CYB5R4: variants seen among roughly 807,000 people sequenced by gnomAD.
The protein encoded by CYB5R4 is N-terminal cytochrome b5 and cytochrome b5 oxidoreductase domain-containing protein.
In CYB5R4, 55 loss-of-function variants were observed where a neutral mutation model predicts 70.2. The observed-to-expected ratio is 0.78, with a 90% CI of 0.63 to 0.98. The LOEUF (loss-of-function observed/expected upper bound fraction) is 0.98. CYB5R4 is among the 50% of genes least tolerant of loss of function. The probability of loss-of-function intolerance (pLI) is 0.00; values close to 1 mark genes in which losing one functional copy is unlikely to be tolerated. For synonymous variants in CYB5R4, 197 were observed against 199.5 expected (o/e 0.99, Z 0.11); for missense variants, 562 against 612.6 (o/e 0.92, Z 0.87).
intron 9 of CYB5R4, among the ~76,000 whole-genome samples, chr6:83,924,084 A>AG (rs1480695239): frequency 6.6e-6 from 1 of 150,654 alleles, no homozygotes; most frequent in Non-Finnish European, 1.5e-5. Flanking sequence ...AAAAAAAAAA[A>AG]AAAAAGAATT....
At chr6:83,877,538 G>C (rs1053670409) in intron 2 of CYB5R4, among the ~76,000 whole-genome samples, 18 of 152,006 alleles carry the variant, frequency 1.2e-4, no homozygotes, top group African/African-American at 4.3e-4. Flanking sequence ...GGTGAGAGAG[G>C]GGGAAGGGCA....
intron 2 of CYB5R4, among the ~76,000 whole-genome samples, chr6:83,883,937 A>G (rs575471620): frequency 2.0e-5 from 3 of 152,186 alleles, no homozygotes; most frequent in Admixed American, 6.5e-5. Flanking sequence ...TCCTAGAACA[A>G]TCACTTAAAA....
In CYB5R4 at chr6:83,961,309, T is replaced by A. The variant is rs1480344480; in HGVS notation, c.*1431T>A. 1 of 152,092 alleles carries A rather than the reference T, an allele frequency of 6.6e-6. No homozygotes were observed. The highest frequency in any genetic ancestry group is 2.1e-4 in the South Asian group (1 of 4,820). The allele number at this position is 152,092 out of a possible 1,614,324, so 9.4% of individuals were successfully genotyped here. On this transcript the variant is annotated 3_prime_UTR_variant, in exon 16 of 16. Coordinates refer to ENST00000369681, the MANE Select transcript of CYB5R4 (RefSeq NM_016230.4). ...AAGAACTTTTTCTAGCTTCATGCCT[T>A]CCCCCTACTTATTTTTTTCCATCTA...
In CYB5R4 at chr6:83,890,386, A is replaced by T. The variant is rs1382482350; in HGVS notation, c.230-3136A>T. ...TGACAACAGCTAGAAAACTAGAATT[A>T]GAAGTGGAACCCAAAGATGTGACTG... On this transcript the variant is annotated intron_variant, in intron 2 of 15. Coordinates refer to ENST00000369681, the MANE Select transcript of CYB5R4 (RefSeq NM_016230.4). Among the ~76,000 whole-genome samples, 3 of 152,330 alleles carry T rather than the reference A, an allele frequency of 2.0e-5. No individual in the cohort carries two copies. In the East Asian group the frequency reaches 5.8e-4, roughly 29 times the overall value.
intron 5 of CYB5R4, among the ~76,000 whole-genome samples, chr6:83,916,175 G>T (rs1311611600): frequency 2.6e-5 from 4 of 151,964 alleles, no homozygotes; most frequent in Non-Finnish European, 5.9e-5. Flanking sequence ...TCACCCATGA[G>T]ATTGCAGGGA....
At chr6:83,936,132 A>C in intron 11 of CYB5R4, 92 bp from the exon 12 acceptor site, 1 of 854,484 alleles carries the variant, frequency 1.2e-6, no homozygotes, top group African/African-American at 1.7e-5. Context: ...TTTTAAATAT[A>C]TACTGATAGT....
intron 4 of CYB5R4, among the ~76,000 whole-genome samples, chr6:83,912,622 TTTGA>T (rs1387837041): frequency 6.6e-6 from 1 of 152,232 alleles, no homozygotes; most frequent in Non-Finnish European, 1.5e-5. Context: ...AAGATACAAA[TTTGA>T]TTGGCCATGG....
intron 12 of CYB5R4, among the ~76,000 whole-genome samples, chr6:83,937,234 C>T (rs1008513380): frequency 4.6e-5 from 7 of 151,876 alleles, no homozygotes; most frequent in Non-Finnish European, 8.8e-5. Context: ...GAGATCGTGC[C>T]ACTGTACTCT....
chr6:83,916,534 G>T (rs867558293), intron 5 of CYB5R4, among the ~76,000 whole-genome samples: 1 of 151,974 alleles, frequency 6.6e-6, no homozygotes, highest in Non-Finnish European at 1.5e-5. Flanking sequence ...CTTGTTTTAC[G>T]TGTAGTTTTG....
At chr6:83,948,012 A>G (rs912655687) in intron 14 of CYB5R4, among the ~76,000 whole-genome samples, 4 of 152,182 alleles carry the variant, frequency 2.6e-5, no homozygotes, top group Non-Finnish European at 5.9e-5. Context: ...CAGCAATCCC[A>G]TTACTGGGTA....
rs372069262 is a variant in CYB5R4 at position 83,884,164 on chromosome 6, TTATC to T, written c.230-9353_230-9350del. Among the ~76,000 whole-genome samples the T allele has an allele frequency of 4.1e-4, 63 of 152,006 alleles. No individual in the cohort carries two copies. The East Asian group carries it at 6.2e-3, about 15-fold the overall frequency. On this transcript the variant is annotated intron_variant, in intron 2 of 15. Transcript: ENST00000369681. ...TATTATAAATGATAGTTTATAATAA[TTATC>T]TATCATGTAATTATAATTATCTATT...
intron 2 of CYB5R4, among the ~76,000 whole-genome samples, chr6:83,869,709 G>A (rs2099457270): frequency 6.6e-6 from 1 of 151,978 alleles, no homozygotes; most frequent in South Asian, 2.1e-4. Context: ...ACATATCCCA[G>A]CTACTCTGGA....
chr6:83,906,661 T>C (rs894658524), intron 3 of CYB5R4, among the ~76,000 whole-genome samples: 4 of 152,238 alleles, frequency 2.6e-5, no homozygotes, highest in African/African-American at 9.6e-5. Context: ...CCTGTCACTT[T>C]ACTGTTGAAT....
intron 14 of CYB5R4, among the ~76,000 whole-genome samples, chr6:83,941,543 T>A (rs1276990405): frequency 2.0e-5 from 3 of 152,210 alleles, no homozygotes; most frequent in Admixed American, 2.0e-4. Flanking sequence ...TTGTTAGCTG[T>A]CCAGGGGCTC....
At chr6:83,943,634 G>C (rs13200637) in intron 14 of CYB5R4, among the ~76,000 whole-genome samples, 6,452 of 152,110 alleles carry the variant, frequency 0.042, 137 homozygotes, top group Middle Eastern at 0.048. Context: ...ATTGACAGAA[G>C]TAGGCTTCAG....
At chr6:83,923,760 T>C (rs146448435) in intron 9 of CYB5R4, among the ~76,000 whole-genome samples, 2 of 152,244 alleles carry the variant, frequency 1.3e-5, no homozygotes, top group Admixed American at 6.5e-5. Context: ...GTAGGCTCAG[T>C]ATTAGTCTAC....
At position 83,966,242 on chromosome 6, in the gene CYB5R4, T is replaced by C. The variant is rs1309177149; in HGVS notation, c.*6364T>C. ...GAATATACCTAAAAATGTTGAATTG[T>C]ACATTTTAAGTAGATGAATTGTATC... On this transcript the variant is annotated 3_prime_UTR_variant, in exon 16 of 16. Transcript: ENST00000369681. 3.9e-5 allele frequency: 6 copies of C among 152,230 alleles called. No individual in the cohort carries two copies. The highest frequency in any genetic ancestry group is 1.5e-5 in the Non-Finnish European group (1 of 68,044). The allele number at this position is 152,230 out of a possible 1,614,324, so 9.4% of individuals were successfully genotyped here.
At chr6:83,886,520 G>C (rs542171911) in intron 2 of CYB5R4, among the ~76,000 whole-genome samples, 1 of 152,170 alleles carries the variant, frequency 6.6e-6, no homozygotes, top group Non-Finnish European at 1.5e-5. Flanking sequence ...CCTGAAAGAA[G>C]TTAGTCACAA....
At chr6:83,941,241 T>C (rs1422507952) in intron 14 of CYB5R4, among the ~76,000 whole-genome samples, 1 of 152,164 alleles carries the variant, frequency 6.6e-6, no homozygotes, top group African/African-American at 2.4e-5. Context: ...TTTTATTGAT[T>C]AAAGAGCTCA....
Sources: gnomAD v4.1 joint callset for allele counts (sites outside exome capture counted in the v4.1 genomes callset) on GRCh38, gnomAD v4.1.1 for gene constraint, MANE v1.5 for transcripts, NCBI Gene and HGNC (gene_info 2026-07-23, HGNC 2026-07-21) for gene names.